PDE10A: variants seen among roughly 807,000 people sequenced by gnomAD.
The protein encoded by PDE10A is cAMP and cAMP-inhibited cGMP 3',5'-cyclic phosphodiesterase 10A.
PDE10A carries 39 observed loss-of-function variants against 97.7 expected under a neutral mutation model. That is an observed-to-expected ratio of 0.40 (90% CI 0.31 to 0.52). The LOEUF is 0.52. Ranked by LOEUF, PDE10A falls within the 20% of genes least tolerant of loss-of-function variation. PDE10A has a pLI of 0.56. For missense variants in PDE10A, 731 were observed against 1,047.8 expected (o/e 0.70, Z 4.17); for synonymous variants, 371 against 376.8 (o/e 0.98, Z 0.18).
intron 1 of PDE10A, among the ~76,000 whole-genome samples, chr6:165,713,598 T>A (rs965843882): frequency 6.6e-6 from 1 of 152,144 alleles, no homozygotes; most frequent in African/African-American, 2.4e-5. Context: ...CAGATAAGGT[T>A]TGACGACAAA....
chr6:165,350,590 G>A (rs1306799491), intron 18 of PDE10A, among the ~76,000 whole-genome samples: 2 of 152,152 alleles, frequency 1.3e-5, no homozygotes, highest in Non-Finnish European at 2.9e-5. Flanking sequence ...GAATTGTGAG[G>A]ATATGAGATC....
chr6:165,522,130 T>C (rs1033570062), intron 2 of PDE10A, among the ~76,000 whole-genome samples: 4 of 152,062 alleles, frequency 2.6e-5, no homozygotes, highest in Non-Finnish European at 5.9e-5. Flanking sequence ...AACAATGAGT[T>C]CCACACTGAA....
At chr6:165,430,917 G>A (rs535669893) in intron 8 of PDE10A, among the ~76,000 whole-genome samples, 6 of 152,180 alleles carry the variant, frequency 3.9e-5, no homozygotes, top group Non-Finnish European at 5.9e-5. Context: ...TACAAAGAAC[G>A]CTATATTGCT....
intron 1 of PDE10A, among the ~76,000 whole-genome samples, chr6:165,816,940 G>T (rs1779433069): frequency 6.6e-6 from 1 of 152,202 alleles, no homozygotes; most frequent in Non-Finnish European, 1.5e-5. Context: ...GAGCAGGAGT[G>T]GCTGGGAGAA....
rs1450117326 is a variant in PDE10A at position 165,329,379 on chromosome 6, T to C, written c.*3646A>G. 1 of 152,178 alleles carries C rather than the reference T, an allele frequency of 6.6e-6. No individual in the cohort carries two copies. The highest frequency in any genetic ancestry group is 6.5e-5 in the Admixed American group (1 of 15,282). 9.4% of individuals were successfully genotyped at this position (152,178 alleles called of 1,614,324 possible). ...AATGAATTGTGCGTTCCTGCAAATA[T>C]TTTCAATTATACTTAAGCAAGAAAA... On this transcript the variant is annotated 3_prime_UTR_variant, in exon 22 of 22. Transcript: ENST00000539869.
At chr6:165,408,510 C>T (rs536911854) in intron 13 of PDE10A, among the ~76,000 whole-genome samples, 128 of 152,262 alleles carry the variant, frequency 8.4e-4, no homozygotes, top group African/African-American at 3.0e-3. Context: ...TTCGTGGCAT[C>T]AACCTTTTCA....
At chr6:165,969,009 G>C (rs1784595104) in intron 1 of PDE10A, among the ~76,000 whole-genome samples, 2 of 152,178 alleles carry the variant, frequency 1.3e-5, no homozygotes, top group African/African-American at 4.8e-5. Context: ...GCACTATGAT[G>C]AGTGAAAAAC....
chr6:165,639,895 T>C (rs958993140), intron 1 of PDE10A, among the ~76,000 whole-genome samples: 4 of 151,942 alleles, frequency 2.6e-5, no homozygotes, highest in Non-Finnish European at 2.9e-5. Context: ...TAGGGAGACC[T>C]TGTCTTCTAT....
chr6:165,810,069 G>A (rs566403160), intron 1 of PDE10A, among the ~76,000 whole-genome samples: 8 of 152,246 alleles, frequency 5.3e-5, no homozygotes, highest in South Asian at 2.1e-4. Flanking sequence ...CACCACCACC[G>A]CCCCAAAGAT....
chr6:165,657,398 TA>T (rs1445941185), intron 1 of PDE10A, among the ~76,000 whole-genome samples: 1 of 152,272 alleles, frequency 6.6e-6, no homozygotes, highest in Non-Finnish European at 1.5e-5. Context: ...GAATTACAAC[TA>T]AGAGTTTTCC....
At chr6:165,797,741 A>G (rs183763939) in intron 1 of PDE10A, among the ~76,000 whole-genome samples, 1 of 152,336 alleles carries the variant, frequency 6.6e-6, no homozygotes, top group East Asian at 1.9e-4. Flanking sequence ...TTAAAATGAA[A>G]GTAGTTATAT....
At chr6:165,656,757 C>T (rs951149826) in intron 1 of PDE10A, among the ~76,000 whole-genome samples, 3 of 152,190 alleles carry the variant, frequency 2.0e-5, no homozygotes, top group African/African-American at 7.2e-5. Flanking sequence ...CTCTTCACAC[C>T]TTGTGAAACC....
intron 13 of PDE10A, among the ~76,000 whole-genome samples, chr6:165,412,442 C>T (rs1787934820): frequency 2.0e-5 from 3 of 152,074 alleles, no homozygotes; most frequent in African/African-American, 7.2e-5. Context: ...CTAAATGAGA[C>T]AAGCATAAGC....
At chr6:165,797,482 A>T (rs1426782646) in intron 1 of PDE10A, among the ~76,000 whole-genome samples, 1 of 152,216 alleles carries the variant, frequency 6.6e-6, no homozygotes, top group Non-Finnish European at 1.5e-5. Context: ...AGACAGAATC[A>T]ATTCTTCTCT....
At chr6:165,414,300 C>A (rs1389810441) in intron 12 of PDE10A, among the ~76,000 whole-genome samples, 1 of 152,188 alleles carries the variant, frequency 6.6e-6, no homozygotes, top group Non-Finnish European at 1.5e-5. Flanking sequence ...TGCAAATATA[C>A]TGACCATATG....
At chr6:165,695,500 G>T (rs1046710162) in intron 1 of PDE10A, among the ~76,000 whole-genome samples, 14 of 152,258 alleles carry the variant, frequency 9.2e-5, no homozygotes, top group African/African-American at 3.1e-4. Context: ...AGGACTTCAG[G>T]GCTTCTCATC....
intron 2 of PDE10A, among the ~76,000 whole-genome samples, chr6:165,498,057 T>C (rs547484886): frequency 2.0e-5 from 3 of 152,252 alleles, no homozygotes; most frequent in Admixed American, 6.5e-5. Context: ...ACATTTTTAT[T>C]ATGTTGCTTT....
intron 2 of PDE10A, among the ~76,000 whole-genome samples, chr6:165,515,877 T>C (rs1485415347): frequency 6.6e-6 from 1 of 152,094 alleles, no homozygotes; most frequent in East Asian, 1.9e-4. Flanking sequence ...GCTTAGTAAA[T>C]TTATTTTCTT....
intron 1 of PDE10A, among the ~76,000 whole-genome samples, chr6:165,712,219 G>A (rs548549196): frequency 8.5e-5 from 13 of 152,302 alleles, no homozygotes; most frequent in African/African-American, 3.1e-4. Flanking sequence ...GGGACTCAGA[G>A]GTTAATTGGA....
Sources: allele counts gnomAD v4.1 joint callset (sites outside exome capture counted in the v4.1 genomes callset), GRCh38; gene constraint gnomAD v4.1.1; transcripts MANE v1.5; gene names NCBI Gene and HGNC (gene_info 2026-07-23, HGNC 2026-07-21).